MACROD2: variants seen among roughly 807,000 people sequenced by gnomAD.
MACROD2 encodes mono-ADP ribosylhydrolase 2.
MACROD2 carries 36 observed loss-of-function variants against 70.4 expected under a neutral mutation model. That is an observed-to-expected ratio of 0.51 (90% CI 0.39 to 0.68). The LOEUF is 0.68. Among genes scored for constraint, MACROD2 ranks in the 30% least tolerant of loss-of-function variants. The probability of loss-of-function intolerance (pLI) is 0.00; values close to 1 mark genes in which losing one functional copy is unlikely to be tolerated. For synonymous variants in MACROD2, 172 were observed against 178.8 expected, an observed-to-expected ratio of 0.96 and a Z score of 0.30; for missense variants, 496 against 538.4, an observed-to-expected ratio of 0.92 and a Z score of 0.78.
chr20:14,963,269 G>A lies in MACROD2; in HGVS notation c.419-266671G>A, dbSNP rs553923952. ...CTTAGAAAATCTGAGTGCTTGCAAG[G>A]GCTGAGAATTTCTCCAGCCTTTCCT... On this transcript the variant is annotated intron_variant, in intron 5 of 17. Transcript: ENST00000684519. Among the ~76,000 whole-genome samples the A allele has an allele frequency of 3.9e-5, 6 of 152,130 alleles. No homozygotes were observed. In the East Asian group the frequency reaches 1.2e-3, roughly 29 times the overall value.
At chr20:14,086,224 A>G (rs2054075030) in intron 3 of MACROD2, 1 of 382,962 alleles carries the variant, frequency 2.6e-6, no homozygotes, top group Admixed American at 2.9e-5. Flanking sequence ...TGAAATGCTT[A>G]ATTTTAACCA....
At chr20:14,108,890 T>G (rs1037716204) in intron 3 of MACROD2, among the ~76,000 whole-genome samples, 1 of 152,066 alleles carries the variant, frequency 6.6e-6, no homozygotes, top group African/African-American at 2.4e-5. Flanking sequence ...AACACTGGAC[T>G]TAACCCGCAC....
intron 8 of MACROD2, among the ~76,000 whole-genome samples, chr20:15,777,467 AG>A (rs2051741573): frequency 6.7e-6 from 1 of 149,074 alleles, no homozygotes; most frequent in African/African-American, 2.5e-5. Context: ...ACTGTTGGTT[AG>A]TGACAGAGCC....
intron 5 of MACROD2, among the ~76,000 whole-genome samples, chr20:14,919,288 G>A (rs985157498): frequency 6.6e-6 from 1 of 152,176 alleles, no homozygotes; most frequent in Admixed American, 6.5e-5. Context: ...AAATTCACAG[G>A]AGTGTAATAT....
intron 5 of MACROD2, among the ~76,000 whole-genome samples, chr20:15,166,937 TTTA>T (rs2076389517): frequency 1.6e-5 from 2 of 128,200 alleles, no homozygotes; most frequent in Non-Finnish European, 3.6e-5. Context: ...AATTTAAGTA[TTTA>T]ATTTAAGTAT....
At chr20:15,722,187 T>C (rs957508616) in intron 8 of MACROD2, among the ~76,000 whole-genome samples, 1 of 152,158 alleles carries the variant, frequency 6.6e-6, no homozygotes, top group Admixed American at 6.5e-5. Context: ...TAACTGGTAA[T>C]GGGGCTATGA....
intron 5 of MACROD2, among the ~76,000 whole-genome samples, chr20:15,022,113 A>T (rs2075191831): frequency 6.6e-6 from 1 of 152,098 alleles, no homozygotes; most frequent in South Asian, 2.1e-4. Context: ...ATCCTTTCTA[A>T]TATTTTTTGG....
At chr20:14,696,540 C>T (rs572689178) in intron 5 of MACROD2, among the ~76,000 whole-genome samples, 20 of 152,138 alleles carry the variant, frequency 1.3e-4, no homozygotes, top group Admixed American at 7.2e-4. Flanking sequence ...TCAGAACTAC[C>T]GAGAGTTTGC....
intron 6 of MACROD2, among the ~76,000 whole-genome samples, chr20:15,414,280 T>C (rs1438100624): frequency 6.6e-6 from 1 of 152,160 alleles, no homozygotes; most frequent in African/African-American, 2.4e-5. Context: ...CCCAAGACTG[T>C]CAGTATTGGT....
chr20:15,911,867 G>A (rs6074967), intron 10 of MACROD2, among the ~76,000 whole-genome samples: 92,958 of 152,006 alleles, frequency 0.61, 30,963 homozygotes, highest in Non-Finnish European at 0.75. Context: ...CATGTTGGGC[G>A]TGTTGGCATG....
intron 6 of MACROD2, among the ~76,000 whole-genome samples, chr20:15,235,200 T>C (rs773636116): frequency 6.6e-6 from 1 of 152,216 alleles, no homozygotes; most frequent in Non-Finnish European, 1.5e-5. Context: ...AATCTGCATA[T>C]AAGCCAGATT....
At chr20:15,792,632 T>C (rs1342086295) in intron 8 of MACROD2, among the ~76,000 whole-genome samples, 1 of 152,146 alleles carries the variant, frequency 6.6e-6, no homozygotes, top group Non-Finnish European at 1.5e-5. Context: ...ATCAATCAGA[T>C]TGATAGCAGT....
At chr20:14,616,950 AATT>A (rs1259855229) in intron 4 of MACROD2, among the ~76,000 whole-genome samples, 2 of 152,158 alleles carry the variant, frequency 1.3e-5, no homozygotes, top group Non-Finnish European at 2.9e-5. Context: ...GGGAGAAAGT[AATT>A]GAAGTATAGA....
intron 4 of MACROD2, among the ~76,000 whole-genome samples, chr20:14,664,590 C>G (rs1448268696): frequency 1.3e-5 from 2 of 152,046 alleles, no homozygotes; most frequent in Non-Finnish European, 2.9e-5. Flanking sequence ...GAAAGATGCA[C>G]CATCCTGACT....
At chr20:14,470,194 C>T (rs1647049344) in intron 3 of MACROD2, among the ~76,000 whole-genome samples, 1 of 152,094 alleles carries the variant, frequency 6.6e-6, no homozygotes, top group East Asian at 1.9e-4. Flanking sequence ...CTCTGCTGCA[C>T]GTCTGCTGGG....
At chr20:15,523,794 T>G (rs1568866751) in intron 8 of MACROD2, among the ~76,000 whole-genome samples, 1 of 152,192 alleles carries the variant, frequency 6.6e-6, no homozygotes, top group Non-Finnish European at 1.5e-5. Context: ...AGAGGTGGTT[T>G]CCATGATCGA....
At position 15,609,273 on chromosome 20, in the gene MACROD2, G is replaced by T. The variant is rs57950946; in HGVS notation, c.645+109426G>T. ...GGGAAGGTGAGAGAAGGAAGAACTT[G>T]GGAATCTTATTAATGGTATCTTTGT... On this transcript the variant is annotated intron_variant, in intron 8 of 17. Coordinates refer to ENST00000684519, the MANE Select transcript of MACROD2 (RefSeq NM_001351661.2). 3.3e-3 allele frequency among the ~76,000 whole-genome samples: 509 copies of T among 152,282 alleles called. 3 individuals carry two copies. The highest frequency in any genetic ancestry group is 0.012 in the African/African-American group (479 of 41,564).
intron 8 of MACROD2, among the ~76,000 whole-genome samples, chr20:15,844,519 G>T (rs1307362878): frequency 6.6e-6 from 1 of 152,152 alleles, no homozygotes; most frequent in South Asian, 2.1e-4. Flanking sequence ...GAGCTTTAGT[G>T]AGGTTAAGCA....
intron 6 of MACROD2, among the ~76,000 whole-genome samples, chr20:15,395,692 T>C (rs1430685593): frequency 2.0e-5 from 3 of 152,220 alleles, no homozygotes; most frequent in African/African-American, 7.2e-5. Flanking sequence ...GACTAGCTCC[T>C]ATGCTTTCAT....
Sources: allele counts gnomAD v4.1 joint callset (sites outside exome capture counted in the v4.1 genomes callset), GRCh38; gene constraint gnomAD v4.1.1; transcripts MANE v1.5; gene names NCBI Gene and HGNC (gene_info 2026-07-23, HGNC 2026-07-21).